The following HEXB variants were observed in gnomAD, a reference collection of about 807,000 sequenced individuals.
HEXB encodes hexosaminidase subunit beta.
HEXB carries 51 observed loss-of-function variants against 71.2 expected under a neutral mutation model. The ratio of observed to expected loss-of-function variants is 0.72; its 90% CI spans 0.57 to 0.90. The LOEUF (loss-of-function observed/expected upper bound fraction) is 0.90, where lower values mean the gene tolerates loss of function less well. Among genes scored for constraint, HEXB ranks in the 40% least tolerant of loss-of-function variants. The probability of loss-of-function intolerance (pLI) is 0.00; values close to 1 mark genes in which losing one functional copy is unlikely to be tolerated. For synonymous variants in HEXB, 266 were observed against 249.3 expected, an observed-to-expected ratio of 1.07 and a Z score of -0.63; for missense variants, 617 against 677.0, an observed-to-expected ratio of 0.91 and a Z score of 0.98.
chr5:74,718,380 C>A lies in HEXB; in HGVS notation c.1242+17C>A, dbSNP rs1223566396. The A allele has an allele frequency of 1.1e-5, 17 of 1,544,710 alleles. No homozygotes were observed. Among genetic ancestry groups the A allele is most frequent in the Non-Finnish European group, 1.5e-5 (17 of 1,116,804 alleles). On this transcript the variant is annotated intron_variant, in intron 10 of 13. Transcript: ENST00000261416. ...AAAGCAAAGGTGAGCATTGTGAAGA[C>A]TGCATCTGATCAATATAAGAGACTT...
intron 1 of HEXB, among the ~76,000 whole-genome samples, chr5:74,650,925 C>CAAAAAAA (rs34224491): frequency 3.1e-5 from 3 of 95,506 alleles, no homozygotes; most frequent in African/African-American, 1.2e-4. Flanking sequence ...GACTCTGTCT[C>CAAAAAAA]AAAAAAAAAA....
At chr5:74,685,184 C>A, upstream of HEXB, 2 of 1,405,544 alleles carry the variant, frequency 1.4e-6, no homozygotes, top group Non-Finnish European at 1.8e-6. Context: ...GCCGCGCTTC[C>A]TCTGATCCGG....
At chr5:74,651,274 C>T (rs1263926273) in intron 1 of HEXB, among the ~76,000 whole-genome samples, 2 of 152,206 alleles carry the variant, frequency 1.3e-5, no homozygotes, top group East Asian at 3.8e-4. Context: ...CTCTTGGCCT[C>T]CATTAGACTA....
Position 74,713,536 on chromosome 5 carries a change from C to G in HEXB, c.802C>G (p.Pro268Ala). 4 of 1,611,126 alleles carry G rather than the reference C, an allele frequency of 2.5e-6. No individual in the cohort carries two copies. The highest frequency in any genetic ancestry group is 3.4e-6 in the Non-Finnish European group (4 of 1,177,314). ...CTATTCTTTGTCTCATGTTTATACA[C>G]CAAATGATGTCCGTATGGTGATTGA... ...GSYSLSHVYT[P>A]NDVRMVIEYA... Residue 268 changes from proline (P) to alanine (A), a missense_variant, in exon 7 of 14, where the codon CCA becomes GCA. Physicochemically the swap from Pro to Ala is conservative, Grantham distance 27. Coordinates refer to ENST00000261416, the MANE Select transcript of HEXB (RefSeq NM_000521.4).
chr5:74,702,659 TTAAG>T (rs1020390191), intron 5 of HEXB, among the ~76,000 whole-genome samples: 8 of 152,232 alleles, frequency 5.3e-5, no homozygotes, highest in African/African-American at 7.2e-5. Context: ...TAACAAGTAA[TTAAG>T]TATCTTGTGG....
Position 74,706,563 on chromosome 5 carries a change from G to A in HEXB, c.771+1243G>A, listed in dbSNP as rs1280260181. ...CTAGTCAAAGAAAGGGGTGACACAC[G>A]GCACCGGGAAAATCGGGTCACTCCC... On this transcript the variant is annotated intron_variant, in intron 6 of 13. Transcript: ENST00000261416. 5.3e-5 allele frequency among the ~76,000 whole-genome samples: 8 copies of A among 152,314 alleles called. No individual in the cohort carries two copies. In the South Asian group the frequency reaches 8.3e-4, roughly 16 times the overall value.
chr5:74,673,335 T>A (rs1439780152), intron 1 of HEXB, among the ~76,000 whole-genome samples: 1 of 152,168 alleles, frequency 6.6e-6, no homozygotes, highest in South Asian at 2.1e-4. Context: ...TCACAAATAT[T>A]TCGGGTTGCT....
chr5:74,696,256 T>C (rs1580383202), intron 3 of HEXB, among the ~76,000 whole-genome samples: 1 of 152,222 alleles, frequency 6.6e-6, no homozygotes, highest in African/African-American at 2.4e-5. Context: ...ATATTGTAAA[T>C]TGGCCTTTAT....
At chr5:74,688,750 A>C (rs1341122450) in intron 1 of HEXB, among the ~76,000 whole-genome samples, 1 of 152,216 alleles carries the variant, frequency 6.6e-6, no homozygotes, top group Non-Finnish European at 1.5e-5. Context: ...ACTCTGACTC[A>C]ATCTGGCTCA....
intron 1 of HEXB, among the ~76,000 whole-genome samples, chr5:74,656,870 C>G (rs971630230): frequency 9.8e-5 from 15 of 152,322 alleles, no homozygotes; most frequent in Admixed American, 9.8e-4. Context: ...CCTCAGCCTT[C>G]CAAAATGTTG....
At chr5:74,691,602 AAC>A (rs1200446423) in intron 2 of HEXB, among the ~76,000 whole-genome samples, 3 of 152,214 alleles carry the variant, frequency 2.0e-5, no homozygotes, top group Admixed American at 6.5e-5. Flanking sequence ...TTTATATATC[AAC>A]ACACGTGCAG....
intron 5 of HEXB, among the ~76,000 whole-genome samples, chr5:74,704,289 A>G (rs895876980): frequency 1.3e-5 from 2 of 152,238 alleles, no homozygotes; most frequent in Non-Finnish European, 2.9e-5. Context: ...TCCTAACTCC[A>G]TCAGCCAAAT....
intron 1 of HEXB, among the ~76,000 whole-genome samples, chr5:74,661,511 CTCTGTGTGTG>C (rs1337438622): frequency 0.05 from 6,328 of 127,154 alleles, 202 homozygotes; most frequent in East Asian, 0.13. Context: ...TTTTCTCTCT[CTCTGTGTGTG>C]TGTGTGTGTG....
At chr5:74,651,891 A>C (rs369175027) in intron 1 of HEXB, among the ~76,000 whole-genome samples, 13 of 152,348 alleles carry the variant, frequency 8.5e-5, no homozygotes, top group African/African-American at 3.1e-4. Flanking sequence ...AAGCCAGAGC[A>C]TATCTCCAGG....
In HEXB at chr5:74,718,894, C is replaced by T. The variant is rs1749742105; in HGVS notation, c.1340C>T (p.Ala447Val). 2 of 1,613,788 alleles carry T rather than the reference C, an allele frequency of 1.2e-6. No individual in the cohort carries two copies. The highest frequency in any genetic ancestry group is 1.1e-5 in the South Asian group (1 of 91,078). The stretch of plus-strand genomic sequence containing the variant: ...TCTGGCTTCCCTGTAATCCTTTCTG[C>T]TCCTTGGTACTTAGATTTGATTAGC... ...TASGFPVILS[A>V]PWYLDLISYG... The change falls in exon 11 of 14, where the codon GCT becomes GTT. Residue 447 changes from alanine to valine, a missense_variant. Coordinates refer to ENST00000261416, the MANE Select transcript of HEXB (RefSeq NM_000521.4).
intron 6 of HEXB, among the ~76,000 whole-genome samples, chr5:74,706,911 A>T (rs1355643516): frequency 6.6e-6 from 1 of 150,418 alleles, no homozygotes; most frequent in South Asian, 2.1e-4. Flanking sequence ...CTGCAGACTT[A>T]AATGTCCCCG....
intron 5 of HEXB, among the ~76,000 whole-genome samples, chr5:74,699,696 CTT>C (rs1459779586): frequency 6.6e-6 from 1 of 152,110 alleles, no homozygotes; most frequent in Non-Finnish European, 1.5e-5. Flanking sequence ...TATTTGTACA[CTT>C]GATAAGATTA....
At chr5:74,669,303 A>T (rs189423349) in intron 1 of HEXB, among the ~76,000 whole-genome samples, 1 of 149,706 alleles carries the variant, frequency 6.7e-6, no homozygotes, top group Non-Finnish European at 1.5e-5. Context: ...TAATTTAACT[A>T]TTTTTTTTTT....
chr5:74,681,601 G>A (rs1200626521), upstream of HEXB, among the ~76,000 whole-genome samples: 5 of 152,068 alleles, frequency 3.3e-5, no homozygotes, highest in Admixed American at 6.6e-5. Flanking sequence ...TATTGTTCCC[G>A]TGTTATAGCA....
Sources: gnomAD v4.1 joint callset for allele counts (sites outside exome capture counted in the v4.1 genomes callset) on GRCh38, gnomAD v4.1.1 for gene constraint, MANE v1.5 for transcripts, NCBI Gene and HGNC (gene_info 2026-07-23, HGNC 2026-07-21) for gene names.